The following NCALD variants were observed in gnomAD, a reference collection of about 807,000 sequenced individuals.
The protein encoded by NCALD is neurocalcin-delta.
In NCALD, 10 loss-of-function variants were observed where a neutral mutation model predicts 18.6. The observed-to-expected ratio is 0.54, with a 90% confidence interval of 0.33 to 0.91. The LOEUF (loss-of-function observed/expected upper bound fraction) is 0.91, where lower values mean the gene tolerates loss of function less well. Ranked by LOEUF, NCALD falls within the 40% of genes least tolerant of loss-of-function variation. The probability of loss-of-function intolerance (pLI) is 0.03; values close to 1 mark genes in which losing one functional copy is unlikely to be tolerated. For synonymous variants in NCALD, 88 were observed against 87.4 expected (o/e 1.01, Z -0.04); for missense variants, 184 against 247.6 (o/e 0.74, Z 1.72).
rs558045467 is a variant in NCALD at position 101,929,304 on chromosome 8, AAAGG to A, written c.-156-13450_-156-13447del. On this transcript the variant is annotated intron_variant, in intron 2 of 6. Coordinates refer to the NCALD transcript ENST00000311028. ...GGGAGGGAGGGAGGGAGGGAGGAAG[AAAGG>A]AAGGAAGGAAGGAAGCAAGCAAGGA... Among the ~76,000 whole-genome samples, 164 of 23,134 alleles carry A rather than the reference AAAGG, an allele frequency of 7.1e-3. 12 individuals carry two copies. Among genetic ancestry groups the A allele is most frequent in the African/African-American group, 0.034 (148 of 4,354 alleles). 15.2% of individuals were successfully genotyped at this position (23,134 alleles called of 152,430 possible).
intron 2 of NCALD, among the ~76,000 whole-genome samples, chr8:101,926,744 T>G (rs934765641): frequency 2.0e-5 from 3 of 152,096 alleles, no homozygotes; most frequent in Non-Finnish European, 2.9e-5. Flanking sequence ...CATAAACAAC[T>G]AGAAATGCCA....
intron 4 of NCALD, among the ~76,000 whole-genome samples, chr8:101,876,443 G>A (rs72679028): frequency 0.026 from 4,009 of 152,270 alleles, 85 homozygotes; most frequent in Middle Eastern, 0.061. Context: ...TGCATCTCAC[G>A]GGACATCATG....
At chr8:101,949,354 C>A (rs951610969) in intron 2 of NCALD, among the ~76,000 whole-genome samples, 9 of 151,934 alleles carry the variant, frequency 5.9e-5, no homozygotes, top group African/African-American at 2.2e-4. Flanking sequence ...ACAGGTCAGT[C>A]TCTCTTCTTT....
chr8:102,104,096 C>T (rs1277816728), intron 1 of NCALD, among the ~76,000 whole-genome samples: 1 of 152,194 alleles, frequency 6.6e-6, no homozygotes, highest in East Asian at 1.9e-4. Flanking sequence ...ACTATATCCG[C>T]ACGCGTGAAG....
At chr8:102,111,726 T>C (rs1825645986) in intron 1 of NCALD, among the ~76,000 whole-genome samples, 1 of 152,162 alleles carries the variant, frequency 6.6e-6, no homozygotes, top group African/African-American at 2.4e-5. Context: ...TCTCAAATAT[T>C]GGAATTAGGC....
intron 1 of NCALD, among the ~76,000 whole-genome samples, chr8:102,029,617 C>T (rs1375644200): frequency 6.6e-6 from 1 of 152,178 alleles, no homozygotes; most frequent in Admixed American, 6.5e-5. Flanking sequence ...AAAACCTTCA[C>T]AGCCCTATTT....
rs775020594 is a variant in NCALD, at chr8:101,689,667, C to A, written c.485-261G>T. ...GCTGCCTGAGAGCCCACTGTGTGCCCGGCCCTGGGCCCGGGACTGGGGAGA... is the reference window on the plus strand; with the variant it reads ...GCTGCCTGAGAGCCCACTGTGTGCCAGGCCCTGGGCCCGGGACTGGGGAGA... On this transcript the variant is annotated intron_variant, in intron 3 of 3. Transcript: ENST00000220931. This position sits in a 1 kb window ranked among gnomAD's most constrained non-coding sequence, Gnocchi z 4.4. Among the ~76,000 whole-genome samples, 2 of 152,340 alleles carry A rather than the reference C, an allele frequency of 1.3e-5. No homozygotes were observed. The highest frequency in any genetic ancestry group is 1.9e-4 in the East Asian group (1 of 5,176).
chr8:102,051,523 A>T (rs2132223623), intron 1 of NCALD, among the ~76,000 whole-genome samples: 1 of 152,292 alleles, frequency 6.6e-6, no homozygotes, highest in Middle Eastern at 3.4e-3. Flanking sequence ...TTTCATTGTT[A>T]TAAAAATATA....
At chr8:101,744,358 A>G (rs1410567193) in intron 1 of NCALD, among the ~76,000 whole-genome samples, 1 of 152,206 alleles carries the variant, frequency 6.6e-6, no homozygotes, top group Non-Finnish European at 1.5e-5. Flanking sequence ...AAACCAGAGC[A>G]TTTTAAACAT....
chr8:101,732,932 C>T (rs956675242), intron 1 of NCALD, among the ~76,000 whole-genome samples: 1 of 152,042 alleles, frequency 6.6e-6, no homozygotes, highest in Non-Finnish European at 1.5e-5. Flanking sequence ...ATTTTATCCT[C>T]ATGATTTCAC....
intron 2 of NCALD, among the ~76,000 whole-genome samples, chr8:101,916,646 G>A (rs1007629289): frequency 3.3e-5 from 5 of 151,992 alleles, no homozygotes; most frequent in African/African-American, 9.7e-5. Context: ...AAAGTAAAGG[G>A]TGGAAGAAAG....
intron 4 of NCALD, among the ~76,000 whole-genome samples, chr8:101,810,554 A>G (rs1489377287): frequency 1.3e-5 from 2 of 152,196 alleles, no homozygotes; most frequent in Admixed American, 1.3e-4. Context: ...TTATGAATTT[A>G]TATTTATATT....
At chr8:102,078,053 A>G (rs1429901956) in intron 1 of NCALD, among the ~76,000 whole-genome samples, 1 of 152,176 alleles carries the variant, frequency 6.6e-6, no homozygotes, top group African/African-American at 2.4e-5. Flanking sequence ...TAACGTGTCC[A>G]AAACATGAAT....
At chr8:101,803,152 T>C (rs1248965940) in intron 4 of NCALD, among the ~76,000 whole-genome samples, 1 of 152,166 alleles carries the variant, frequency 6.6e-6, no homozygotes, top group African/African-American at 2.4e-5. Context: ...CTAATGCAAG[T>C]GGTAACTTTA....
chr8:101,743,251 C>T (rs1250918376), intron 1 of NCALD, among the ~76,000 whole-genome samples: 1 of 147,202 alleles, frequency 6.8e-6, no homozygotes, highest in Non-Finnish European at 1.5e-5. Context: ...TTCCTGAAAA[C>T]TCAGTGTGTT....
At chr8:101,964,122 T>C (rs1300668411) in intron 2 of NCALD, among the ~76,000 whole-genome samples, 2 of 152,194 alleles carry the variant, frequency 1.3e-5, no homozygotes, top group Admixed American at 6.5e-5. Context: ...ATATTGATCA[T>C]GGCTCTCTTC....
chr8:102,050,963 A>C, intron 1 of NCALD, among the ~76,000 whole-genome samples: 1 of 148,518 alleles, frequency 6.7e-6, no homozygotes, highest in East Asian at 1.9e-4. Flanking sequence ...TATATATACA[A>C]AAATATCTAG....
chr8:102,109,298 A>G (rs898222325), intron 1 of NCALD, among the ~76,000 whole-genome samples: 5 of 143,236 alleles, frequency 3.5e-5, no homozygotes, highest in African/African-American at 1.1e-4. Context: ...TGGAAATGAA[A>G]GGTTTTTTTT....
Position 101,894,917 on chromosome 8 carries a change from C to T in NCALD, c.-106-7690G>A, listed in dbSNP as rs1042793392. 2.9e-3 allele frequency among the ~76,000 whole-genome samples: 437 copies of T among 150,780 alleles called. 1 individual carries two copies. Among genetic ancestry groups the T allele is most frequent in the Middle Eastern group, 6.8e-3 (2 of 294 alleles). The stretch of plus-strand genomic sequence containing the variant: ...TTCCAGGACCAGATGGATTCACAGC[C>T]GAATTCTACCAGAGGTACAAGGAGG... On this transcript the variant is annotated intron_variant, in intron 3 of 6. Coordinates refer to the NCALD transcript ENST00000311028.
Sources: allele counts gnomAD v4.1 joint callset (sites outside exome capture counted in the v4.1 genomes callset), GRCh38; gene constraint gnomAD v4.1.1; non-coding constraint Gnocchi (gnomAD v3.1); transcripts MANE v1.5; gene names NCBI Gene and HGNC (gene_info 2026-07-23, HGNC 2026-07-21).